The following BDP1 variants were observed in gnomAD, a reference collection of about 807,000 sequenced individuals.
The protein encoded by BDP1 is transcription factor TFIIIB component B'' homolog.
In BDP1, 169 loss-of-function variants were observed where a neutral mutation model predicts 266.6. That is an observed-to-expected ratio of 0.63 (90% CI 0.56 to 0.72). BDP1 has a LOEUF of 0.72. Among genes scored for constraint, BDP1 ranks in the 30% least tolerant of loss-of-function variants. The pLI, the probability that BDP1 is intolerant of heterozygous loss-of-function variation, is 0.00. For synonymous variants in BDP1, 1,090 were observed against 1,022.4 expected (o/e 1.07, Z -1.26); for missense variants, 3,015 against 3,053.8 (o/e 0.99, Z 0.30).
chr5:71,542,614 G>A (rs569118226), intron 30 of BDP1, among the ~76,000 whole-genome samples: 4 of 152,156 alleles, frequency 2.6e-5, no homozygotes, highest in Admixed American at 2.6e-4. Context: ...ACTCACACCT[G>A]TAATTCCAGC....
chr5:71,542,958 G>T (rs1325813836), intron 30 of BDP1, among the ~76,000 whole-genome samples: 1 of 152,148 alleles, frequency 6.6e-6, no homozygotes, highest in African/African-American at 2.4e-5. Context: ...AAATGAAAAT[G>T]TTATGAGCCA....
intron 25 of BDP1, among the ~76,000 whole-genome samples, chr5:71,526,194 C>T (rs1765858889): frequency 6.6e-6 from 1 of 152,174 alleles, no homozygotes; most frequent in Non-Finnish European, 1.5e-5. Context: ...CCCGGCACCT[C>T]GGGAGGCCGA....
chr5:71,478,222 C>A (rs936702799), intron 7 of BDP1, among the ~76,000 whole-genome samples: 2 of 152,110 alleles, frequency 1.3e-5, no homozygotes, highest in Non-Finnish European at 2.9e-5. Context: ...GGACTCTAGC[C>A]TGGGTAACAA....
intron 35 of BDP1, among the ~76,000 whole-genome samples, chr5:71,554,608 A>G (rs1169338179): frequency 6.6e-6 from 1 of 152,234 alleles, no homozygotes; most frequent in Non-Finnish European, 1.5e-5. Context: ...ACAAAAGACC[A>G]TAGTACTTTA....
chr5:71,516,617 A>G (rs962632810), intron 21 of BDP1, among the ~76,000 whole-genome samples: 35 of 152,212 alleles, frequency 2.3e-4, no homozygotes, highest in African/African-American at 8.4e-4. Context: ...AATTTAAACA[A>G]TAAAGTCATT....
At chr5:71,493,042 G>A (rs1763684629) in intron 11 of BDP1, among the ~76,000 whole-genome samples, 1 of 152,186 alleles carries the variant, frequency 6.6e-6, no homozygotes, top group Admixed American at 6.5e-5. Context: ...GACTTGCTTA[G>A]TTTGAGATCA....
intron 32 of BDP1, among the ~76,000 whole-genome samples, chr5:71,545,986 G>T (rs1276000891): frequency 6.6e-6 from 1 of 152,048 alleles, no homozygotes; most frequent in Non-Finnish European, 1.5e-5. Flanking sequence ...GACAGAGTGA[G>T]ACCCTGTTTC....
intron 11 of BDP1, among the ~76,000 whole-genome samples, chr5:71,493,012 C>G (rs1763682425): frequency 6.6e-6 from 1 of 152,142 alleles, no homozygotes; most frequent in Admixed American, 6.5e-5. Flanking sequence ...TGTTTCTCAT[C>G]CAAGTATTAA....
In BDP1 at chr5:71,539,596, T is replaced by G; in HGVS notation, c.5969T>G (p.Leu1990Arg). 2 of 1,612,280 alleles carry G rather than the reference T, an allele frequency of 1.2e-6. No homozygotes were observed. Among genetic ancestry groups the G allele is most frequent in the Non-Finnish European group, 1.7e-6 (2 of 1,179,340 alleles). ...DGSTEAAITL[L>R]TMGDLVLQSE... ...AGCACCGAAGCTGCAATAACTTTACTTACAATGGGAGATCTAGTATTGCAG... is the reference window on the plus strand; with the variant it reads ...AGCACCGAAGCTGCAATAACTTTACGTACAATGGGAGATCTAGTATTGCAG... The change falls in exon 28 of 39, where the codon CTT (leucine) becomes CGT (arginine). Residue 1990 changes from leucine (L) to arginine (R), a missense_variant. By Grantham distance (102) the Leu-to-Arg change is moderately radical. Transcript: ENST00000358731.
intron 2 of BDP1, among the ~76,000 whole-genome samples, chr5:71,460,451 TA>T (rs1761480411): frequency 6.6e-6 from 1 of 152,252 alleles, no homozygotes; most frequent in African/African-American, 2.4e-5. Context: ...CAGCTTCTGT[TA>T]TGAATTATAA....
Position 71,511,026 on chromosome 5 carries a change from G to A in BDP1, c.3934G>A (p.Gly1312Arg). 1.9e-6 allele frequency: 3 copies of A among 1,614,060 alleles called. No homozygotes were observed. The highest frequency in any genetic ancestry group is 2.5e-6 in the Non-Finnish European group (3 of 1,180,004). ...AAAGGTGGCAGAATTGAAACAAACT[G>A]GAAAAACAGACATTTCTCCAAGGGA... Reference protein sequence around the residue: ...EEKVAELKQTGKTDISPRENE... With the variant: ...EEKVAELKQTRKTDISPRENE... Residue 1312 changes from glycine to arginine, a missense_variant, in exon 17 of 39, where the codon GGA becomes AGA. This residue lies in a region of BDP1 where 2,383 missense variants were observed against 2,404.9 expected (regional missense o/e 0.99). Coordinates refer to ENST00000358731, the MANE Select transcript of BDP1 (RefSeq NM_018429.3).
chr5:71,514,839 C>T, intron 19 of BDP1, 105 bp from the exon 20 acceptor site: 1 of 702,358 alleles, frequency 1.4e-6, no homozygotes, highest in South Asian at 2.3e-5. Flanking sequence ...TTGGTATAGA[C>T]TACCCTATTA....
At chr5:71,573,662 G>T in the BDP1 span, among the ~76,000 whole-genome samples, 7 of 152,206 alleles carry the variant, frequency 4.6e-5, no homozygotes, top group African/African-American at 1.7e-4. Flanking sequence ...AAATTGGCAA[G>T]AACTGTGTGC....
At position 71,501,589 on chromosome 5, in the gene BDP1, A is replaced by C; in HGVS notation, c.1984A>C (p.Thr662Pro). The change falls in exon 14 of 39, where the codon ACA becomes CCA. Residue 662 changes from threonine (T) to proline (P), a missense_variant. By Grantham distance (38) the Thr-to-Pro change is conservative. Transcript: ENST00000358731. ...KNHVEKDKMN[T>P]LDILRMETTE... ...CCACGTGGAAAAAGATAAAATGAATACATTGGACATTTTGAGAATGGAGAC... is the reference window on the plus strand; with the variant it reads ...CCACGTGGAAAAAGATAAAATGAATCCATTGGACATTTTGAGAATGGAGAC... 3 of 1,604,464 alleles carry C rather than the reference A, an allele frequency of 1.9e-6. No homozygotes were observed. The highest frequency in any genetic ancestry group is 2.2e-5 in the South Asian group (2 of 90,802).
intron 7 of BDP1, among the ~76,000 whole-genome samples, chr5:71,477,929 C>T (rs1171072757): frequency 6.6e-6 from 1 of 151,916 alleles, no homozygotes; most frequent in East Asian, 1.9e-4. Flanking sequence ...AGATAAATTT[C>T]TTTTATCCTA....
Position 71,545,182 on chromosome 5 carries a change from C to A in BDP1, c.6707C>A (p.Ser2236Tyr), listed in dbSNP as rs1742191370. The A allele has an allele frequency of 6.2e-7, 1 of 1,613,342 alleles. No homozygotes were observed. The highest frequency in any genetic ancestry group is 8.5e-7 in the Non-Finnish European group (1 of 1,179,900). Residue 2236 changes from serine to tyrosine, a missense_variant, in exon 32 of 39, where the codon TCT (serine) becomes TAT (tyrosine). Around this residue, in one of 3 missense-constraint regions of BDP1, gnomAD observed 629 missense variants for 632.5 expected, o/e 0.99. Coordinates refer to ENST00000358731, the MANE Select transcript of BDP1 (RefSeq NM_018429.3). ...GTTGAAGAGCCCCAGATAAAGGACT[C>A]TAAAGGAGACAGTGTGCTTACACTT... ...NSVEEPQIKDSKGDSVLTLPV... is the reference protein window; with the variant it reads ...NSVEEPQIKDYKGDSVLTLPV...
At chr5:71,521,715 G>A (rs1284819172) in intron 22 of BDP1, among the ~76,000 whole-genome samples, 5 of 152,184 alleles carry the variant, frequency 3.3e-5, no homozygotes, top group Non-Finnish European at 7.3e-5. Flanking sequence ...ATGCTAAAAC[G>A]TCTTTTTGTT....
At chr5:71,514,705 G>T (rs866359635) in intron 19 of BDP1, among the ~76,000 whole-genome samples, 15 of 151,810 alleles carry the variant, frequency 9.9e-5, no homozygotes, top group African/African-American at 3.6e-4. Context: ...TTTTTTGTTT[G>T]TCTTTTCCGG....
chr5:71,539,513 C>G (rs1347820211), intron 27 of BDP1, 44 bp from the exon 28 acceptor site: 2 of 1,475,772 alleles, frequency 1.4e-6, no homozygotes, highest in African/African-American at 2.8e-5. Flanking sequence ...GAACAGATTT[C>G]CGGATTCATT....
Sources: allele counts gnomAD v4.1 joint callset (sites outside exome capture counted in the v4.1 genomes callset), GRCh38; gene constraint gnomAD v4.1.1; regional missense constraint gnomAD v4.1.1; transcripts MANE v1.5; gene names NCBI Gene and HGNC (gene_info 2026-07-23, HGNC 2026-07-21).